Variants in UBE2R2 observed in about 807,000 individuals in gnomAD.
UBE2R2 encodes the protein ubiquitin-conjugating enzyme E2 R2.
In UBE2R2, 1 loss-of-function variant was observed where a neutral mutation model predicts 27.8. The observed-to-expected ratio is 0.04, with a 90% CI of 0.01 to 0.17. The LOEUF (loss-of-function observed/expected upper bound fraction) is 0.17, where lower values mean the gene tolerates loss of function less well. UBE2R2 is among the 10% of genes least tolerant of loss of function. The pLI is 1.00. For synonymous variants in UBE2R2, 106 were observed against 113.3 expected, an observed-to-expected ratio of 0.94 and a Z score of 0.41; for missense variants, 100 against 291.0, an observed-to-expected ratio of 0.34 and a Z score of 4.78.
intron 2 of UBE2R2, among the ~76,000 whole-genome samples, chr9:33,892,464 T>G (rs919412297): frequency 6.6e-6 from 1 of 152,172 alleles, no homozygotes; most frequent in Non-Finnish European, 1.5e-5. Flanking sequence ...AGAAAAAAAT[T>G]GCTGATTATT....
chr9:33,824,968 ATTTC>A (rs1337211253), intron 1 of UBE2R2, among the ~76,000 whole-genome samples: 1 of 152,022 alleles, frequency 6.6e-6, no homozygotes, highest in Admixed American at 6.6e-5. Flanking sequence ...AATAAGGATT[ATTTC>A]TTCCTGGATT....
intron 1 of UBE2R2, among the ~76,000 whole-genome samples, chr9:33,837,052 G>C (rs1820629427): frequency 1.3e-5 from 2 of 152,088 alleles, no homozygotes; most frequent in South Asian, 4.1e-4. Context: ...TCACATTGCT[G>C]TAGGTACTTT....
chr9:33,824,319 C>G (rs1004908062), intron 1 of UBE2R2, among the ~76,000 whole-genome samples: 1 of 151,472 alleles, frequency 6.6e-6, no homozygotes, highest in Non-Finnish European at 1.5e-5. Flanking sequence ...TGGTGAAACC[C>G]GGTCTCCACT....
chr9:33,815,763 G>C (rs534101065), upstream of UBE2R2, among the ~76,000 whole-genome samples: 7 of 152,148 alleles, frequency 4.6e-5, no homozygotes, highest in South Asian at 1.5e-3. Context: ...GGTGGGTAGT[G>C]GTGGTATCCA....
At chr9:33,913,656 G>C (rs1822550412) in intron 4 of UBE2R2, among the ~76,000 whole-genome samples, 1 of 152,122 alleles carries the variant, frequency 6.6e-6, no homozygotes, top group South Asian at 2.1e-4. Flanking sequence ...CTAAGCATTG[G>C]CATTTATACA....
intron 2 of UBE2R2, among the ~76,000 whole-genome samples, chr9:33,897,588 G>A (rs1375035437): frequency 6.6e-6 from 1 of 151,890 alleles, no homozygotes; most frequent in Admixed American, 6.6e-5. Flanking sequence ...AAAGTGCTGG[G>A]ATTACAGGCG....
chr9:33,862,936 A>G (rs1276708396), intron 1 of UBE2R2, among the ~76,000 whole-genome samples: 2 of 152,094 alleles, frequency 1.3e-5, no homozygotes, highest in African/African-American at 4.8e-5. Context: ...ATGGTGGCTC[A>G]CATCTGCTTT....
At chr9:33,880,161 T>C (rs553853056) in intron 1 of UBE2R2, among the ~76,000 whole-genome samples, 1 of 152,184 alleles carries the variant, frequency 6.6e-6, no homozygotes, top group East Asian at 1.9e-4. Flanking sequence ...GCTGGAATTA[T>C]AGGTGTGAGC....
intron 2 of UBE2R2, among the ~76,000 whole-genome samples, chr9:33,898,409 T>A (rs1009382179): frequency 2.0e-5 from 3 of 152,086 alleles, no homozygotes; most frequent in Non-Finnish European, 4.4e-5. Flanking sequence ...AGTAACTTTT[T>A]ACATGCCTTA....
chr9:33,849,691 A>C (rs1283699138), intron 1 of UBE2R2, among the ~76,000 whole-genome samples: 3 of 21,076 alleles, frequency 1.4e-4, no homozygotes, highest in African/African-American at 2.6e-4. Flanking sequence ...ATCTCTACTT[A>C]AAAAAAAAAA....
At chr9:33,816,382 C>T (rs2130683480), upstream of UBE2R2, among the ~76,000 whole-genome samples, 1 of 152,280 alleles carries the variant, frequency 6.6e-6, no homozygotes, top group South Asian at 2.1e-4. Context: ...GGAACTTTGA[C>T]CCCTAAGTTC....
intron 1 of UBE2R2, among the ~76,000 whole-genome samples, chr9:33,852,814 T>C (rs981794214): frequency 6.6e-6 from 1 of 152,042 alleles, no homozygotes; most frequent in Non-Finnish European, 1.5e-5. Context: ...TCAAGACCAG[T>C]CTGGCCAATA....
intron 2 of UBE2R2, among the ~76,000 whole-genome samples, chr9:33,893,653 G>A (rs2130802836): frequency 6.6e-6 from 1 of 152,036 alleles, no homozygotes; most frequent in East Asian, 1.9e-4. Context: ...TTTATTTTTT[G>A]AGACAGAGTC....
intron 1 of UBE2R2, among the ~76,000 whole-genome samples, chr9:33,836,091 G>A (rs1360459530): frequency 6.6e-6 from 1 of 152,142 alleles, no homozygotes; most frequent in Non-Finnish European, 1.5e-5. Flanking sequence ...ATCACCTGAG[G>A]TCAGGAGTTT....
At chr9:33,890,335 A>C (rs1821951711) in intron 2 of UBE2R2, among the ~76,000 whole-genome samples, 1 of 151,926 alleles carries the variant, frequency 6.6e-6, no homozygotes, top group African/African-American at 2.4e-5. Context: ...CTATAATCCC[A>C]GCACTTTGGA....
chr9:33,867,134 C>T (rs1254272821), intron 1 of UBE2R2, among the ~76,000 whole-genome samples: 49 of 151,956 alleles, frequency 3.2e-4, no homozygotes, highest in Admixed American at 3.2e-3. Flanking sequence ...GTGATCTGCC[C>T]GCCTCGGCCT....
chr9:33,901,912 CTT>C (rs529372244), intron 3 of UBE2R2, among the ~76,000 whole-genome samples: 48 of 132,202 alleles, frequency 3.6e-4, no homozygotes, highest in Admixed American at 6.9e-4. Flanking sequence ...TCTCATATTT[CTT>C]TTTTTTTTTT....
chr9:33,911,026 C>A (rs1008825310), intron 3 of UBE2R2, among the ~76,000 whole-genome samples: 1 of 151,830 alleles, frequency 6.6e-6, no homozygotes, highest in Non-Finnish European at 1.5e-5. Context: ...ATTACTTGAA[C>A]CCAGGAGGCA....
chr9:33,907,669 C>T (rs1822383522), intron 3 of UBE2R2, among the ~76,000 whole-genome samples: 2 of 151,972 alleles, frequency 1.3e-5, no homozygotes, highest in Non-Finnish European at 2.9e-5. Context: ...TTATAGGAAC[C>T]GAGAGTCTGG....
Sources: gnomAD v4.1 joint callset for allele counts (sites outside exome capture counted in the v4.1 genomes callset) on GRCh38, gnomAD v4.1.1 for gene constraint, MANE v1.5 for transcripts, NCBI Gene and HGNC (gene_info 2026-07-23, HGNC 2026-07-21) for gene names.